IL6ST: variants seen among roughly 807,000 people sequenced by gnomAD.
IL6ST encodes the protein interleukin 6 cytokine family signal transducer, also known as interleukin-6 receptor subunit beta.
Under a neutral mutation model 91.3 loss-of-function variants are expected in IL6ST, and 24 were observed. That is an observed-to-expected ratio of 0.26 (90% CI 0.19 to 0.37). The LOEUF (loss-of-function observed/expected upper bound fraction) is 0.37, where lower values mean the gene tolerates loss of function less well. Among genes scored for constraint, IL6ST ranks in the 10% least tolerant of loss-of-function variants. The pLI is 1.00. For missense variants in IL6ST, 914 were observed against 1,078.5 expected (o/e 0.85, Z 2.14); for synonymous variants, 351 against 373.6 (o/e 0.94, Z 0.70).
rs370934743 is a variant in IL6ST, at chr5:55,956,163, A to C, written c.1129T>G (p.Leu377Val). 1 of 1,612,914 alleles carries C rather than the reference A, an allele frequency of 6.2e-7. No homozygotes were observed. The highest frequency in any genetic ancestry group is 8.5e-7 in the Non-Finnish European group (1 of 1,178,966). Residue 377 changes from leucine to valine, a missense_variant, in exon 10 of 17, where the codon TTA becomes GTA. Physicochemically the swap from Leu to Val is conservative, Grantham distance 32. Transcript: ENST00000381298. ...EVTLTRWKSH[L>V]QNYTVNATKL... ...GTGGCATTAACTGTGTAATTTTGTA[A>C]ATGTGATTTCCATCTTGTGAGAGTC...
Position 55,938,471 on chromosome 5 carries a change from T to C in IL6ST, c.*2611A>G, listed in dbSNP as rs1012350404. On this transcript the variant is annotated 3_prime_UTR_variant, in exon 17 of 17. Coordinates refer to ENST00000381298, the MANE Select transcript of IL6ST (RefSeq NM_002184.4). The stretch of plus-strand genomic sequence containing the variant: ...ACTGACAAGTTATAATATCAACACA[T>C]GTAACATTTGGGTCATTATTTTATA... 8.7e-5 allele frequency: 17 copies of C among 195,448 alleles called. No homozygotes were observed. Among genetic ancestry groups the C allele is most frequent in the Non-Finnish European group, 1.5e-4 (14 of 93,982 alleles). The allele number at this position is 195,448 out of a possible 1,614,324, so 12.1% of individuals were successfully genotyped here.
chr5:55,984,950 T>C (rs1753871244), intron 1 of IL6ST, among the ~76,000 whole-genome samples: 1 of 152,340 alleles, frequency 6.6e-6, no homozygotes, highest in Admixed American at 6.5e-5. Flanking sequence ...GGCTAGGCCC[T>C]ACGGCAGGTG....
At chr5:55,948,990 T>TA (rs1751446461) in intron 14 of IL6ST, 1 of 151,978 alleles carries the variant, frequency 6.6e-6, no homozygotes, top group Non-Finnish European at 1.5e-5. Context: ...AGACTACAGA[T>TA]AGAGAATTGA....
In IL6ST at chr5:55,941,146, T is replaced by C. The variant is rs1303797328; in HGVS notation, c.2693A>G (p.Asp898Gly). The C allele has an allele frequency of 6.2e-7, 1 of 1,614,110 alleles. No individual in the cohort carries two copies. The highest frequency in any genetic ancestry group is 1.7e-5 in the Admixed American group (1 of 60,022). ...FETVGMEAAT[D>G]EGMPKSYLPQ... ...TAAGTAACTTTTAGGCATGCCTTCA[T>C]CAGTCGCAGCCTCCATGCCAACTGT... The change falls in exon 17 of 17, where the codon GAT becomes GGT. Residue 898 changes from aspartate to glycine, a missense_variant. Coordinates refer to ENST00000381298, the MANE Select transcript of IL6ST (RefSeq NM_002184.4).
intron 7 of IL6ST, among the ~76,000 whole-genome samples, chr5:55,960,805 C>G (rs991814217): frequency 6.6e-6 from 1 of 151,646 alleles, no homozygotes; most frequent in African/African-American, 2.4e-5. Flanking sequence ...AATTTCTGTA[C>G]TTTTTTAGTA....
At chr5:55,986,907 G>A (rs1371113760) in intron 1 of IL6ST, among the ~76,000 whole-genome samples, 1 of 152,184 alleles carries the variant, frequency 6.6e-6, no homozygotes, top group Non-Finnish European at 1.5e-5. Context: ...GCTCCCACCT[G>A]AAATCCCATC....
At chr5:55,959,564 G>C in intron 8 of IL6ST, 1 of 778,122 alleles carries the variant, frequency 1.3e-6, no homozygotes, top group South Asian at 1.6e-5. Flanking sequence ...CTCTTTTTGT[G>C]CCTTTTTTAT....
At chr5:55,948,323 GATTA>G (rs1365013281) in intron 14 of IL6ST, among the ~76,000 whole-genome samples, 2 of 152,074 alleles carry the variant, frequency 1.3e-5, no homozygotes, top group African/African-American at 2.4e-5. Flanking sequence ...TGACTGTCCT[GATTA>G]ATTTTGAATT....
At chr5:55,973,435 T>G (rs899762218) in intron 3 of IL6ST, among the ~76,000 whole-genome samples, 3 of 152,182 alleles carry the variant, frequency 2.0e-5, no homozygotes, top group African/African-American at 4.8e-5. Flanking sequence ...CAATTAGCTT[T>G]CTTTCTCTCT....
chr5:55,951,686 T>C (rs1751644471), intron 13 of IL6ST, 82 bp from the exon 14 acceptor site: 2 of 1,355,140 alleles, frequency 1.5e-6, no homozygotes, highest in African/African-American at 1.5e-5. Context: ...GTGAAAGTGT[T>C]AAAAAAGAAG....
intron 1 of IL6ST, among the ~76,000 whole-genome samples, chr5:55,983,139 A>G (rs11574765): frequency 0.088 from 13,449 of 151,992 alleles, 672 homozygotes; most frequent in Middle Eastern, 0.14. Context: ...AGCTGGGACT[A>G]GAGATGGCAC....
At chr5:55,981,969 A>G (rs947961360) in intron 2 of IL6ST, among the ~76,000 whole-genome samples, 1 of 152,228 alleles carries the variant, frequency 6.6e-6, no homozygotes, top group African/African-American at 2.4e-5. Context: ...AAGGAGCTAG[A>G]TGATGTATAA....
chr5:55,936,921 C>T lies in IL6ST; in HGVS notation c.*4161G>A, dbSNP rs1750567154. ...ATAGCTAGGATATAAAAGAAACATA[C>T]CTAATGCTAGTCAGTCACTGCATTG... On this transcript the variant is annotated 3_prime_UTR_variant, in exon 17 of 17. Coordinates refer to ENST00000381298, the MANE Select transcript of IL6ST (RefSeq NM_002184.4). 5.0e-6 allele frequency: 1 copy of T among 201,234 alleles called. No individual in the cohort carries two copies. Among genetic ancestry groups the T allele is most frequent in the Non-Finnish European group, 1.0e-5 (1 of 97,654 alleles). 12.5% of individuals were successfully genotyped at this position (201,234 alleles called of 1,614,324 possible). A position where few individuals can be genotyped will look rare whatever the true frequency, so the allele number is the denominator to read the frequency against.
At position 55,975,903 on chromosome 5, in the gene IL6ST, GA is replaced by G. The variant is rs1213180533; in HGVS notation, c.64+311del. 6.2e-3 allele frequency among the ~76,000 whole-genome samples: 750 copies of G among 121,268 alleles called. 7 individuals are homozygous for G. The highest frequency in any genetic ancestry group is 0.019 in the African/African-American group (612 of 33,038). The allele number at this position is 121,268 out of a possible 152,430, so 79.6% of individuals were successfully genotyped here. Reference sequence around the variant, plus strand: ...AATTTTCTCCTATTCATTTACTGAAGAAAAAAAAAAAAACCCACACACTTCT... The same window carrying G: ...AATTTTCTCCTATTCATTTACTGAAGAAAAAAAAAAAACCCACACACTTCT... On this transcript the variant is annotated intron_variant, in intron 3 of 16. Coordinates refer to ENST00000381298, the MANE Select transcript of IL6ST (RefSeq NM_002184.4).
chr5:55,945,550 G>A (rs1406115561), intron 15 of IL6ST, among the ~76,000 whole-genome samples: 3 of 147,868 alleles, frequency 2.0e-5, no homozygotes, highest in African/African-American at 7.5e-5. Flanking sequence ...AAGAAAACAT[G>A]AGAAAATATT....
rs201141621 is a variant in IL6ST at position 55,947,564 on chromosome 5, G to A, written c.1866C>T (p.Val622=). ...KFAQGEIEAI[V]VPVCLAFLLT... ...ATAGGAATGCTAAGCAAACAGGCAC[G>A]ACTATGGCTTCAATTTCTCCTTGAG... The change falls in exon 15 of 17, where the codon GTC becomes GTT. Residue 622 remains valine (V), a synonymous_variant. Coordinates refer to ENST00000381298, the MANE Select transcript of IL6ST (RefSeq NM_002184.4). 28 of 1,160,480 alleles carry A rather than the reference G, an allele frequency of 2.4e-5. No homozygotes were observed. Among genetic ancestry groups the A allele is most frequent in the Middle Eastern group, 3.2e-4 (1 of 3,174 alleles). 71.9% of individuals were successfully genotyped at this position (1,160,480 alleles called of 1,614,324 possible). A position where few individuals can be genotyped will look rare whatever the true frequency, so the allele number is the denominator to read the frequency against.
intron 1 of IL6ST, among the ~76,000 whole-genome samples, chr5:55,987,380 A>G (rs1754033359): frequency 6.6e-6 from 1 of 152,266 alleles, no homozygotes; most frequent in South Asian, 2.1e-4. Flanking sequence ...ATGAGAAAAG[A>G]TACTGCTAAT....
At chr5:55,960,294 A>C in intron 8 of IL6ST, 108 bp downstream of exon 8, 1 of 857,164 alleles carries the variant, frequency 1.2e-6, no homozygotes, top group Non-Finnish European at 1.8e-6. Flanking sequence ...TGCAGTTTGA[A>C]TAAAATGATC....
In IL6ST at chr5:55,969,145, C is replaced by T. The variant is rs1471732866; in HGVS notation, c.370+405G>A. The stretch of plus-strand genomic sequence containing the variant: ...GGGAGGGCAGTGAGCTGAGATGATG[C>T]CACTGCACTCCAGCCTGGGTGACAG... On this transcript the variant is annotated intron_variant, in intron 4 of 16. Coordinates refer to ENST00000381298, the MANE Select transcript of IL6ST (RefSeq NM_002184.4). Among the ~76,000 whole-genome samples, 4 of 151,312 alleles carry T rather than the reference C, an allele frequency of 2.6e-5. No individual in the cohort carries two copies. The East Asian group carries it at 7.7e-4, about 29-fold the overall frequency.
Sources: allele counts gnomAD v4.1 joint callset (sites outside exome capture counted in the v4.1 genomes callset), GRCh38; gene constraint gnomAD v4.1.1; transcripts MANE v1.5; gene names NCBI Gene and HGNC (gene_info 2026-07-23, HGNC 2026-07-21).